LNX1: variants seen among roughly 807,000 people sequenced by gnomAD.
The protein encoded by LNX1 is E3 ubiquitin-protein ligase LNX.
In LNX1, 54 loss-of-function variants were observed where a neutral mutation model predicts 68.4. The ratio of observed to expected loss-of-function variants is 0.79; its 90% CI spans 0.63 to 0.99. The LOEUF is 0.99. LNX1 is among the 50% of genes least tolerant of loss of function. LNX1 has a pLI of 0.00. For synonymous variants in LNX1, 336 were observed against 350.0 expected, an observed-to-expected ratio of 0.96 and a Z score of 0.45; for missense variants, 906 against 926.4, an observed-to-expected ratio of 0.98 and a Z score of 0.29.
At chr4:53,461,701 G>T (rs1320702787) in intron 9 of LNX1, 108 bp from the exon 10 acceptor site, 2 of 804,834 alleles carry the variant, frequency 2.5e-6, no homozygotes, top group Non-Finnish European at 2.0e-6. Context: ...TAATGGCTAA[G>T]TACCACTGCA....
chr4:53,496,582 G>GGC, intron 5 of LNX1, 188 bp from the exon 6 acceptor site: 1 of 638,400 alleles, frequency 1.6e-6, no homozygotes, highest in Non-Finnish European at 2.6e-6. Context: ...GTGGCCTGCA[G>GGC]CACCTCTCCA....
chr4:53,634,432 C>T (rs1349458613), intron 1 of LNX1, among the ~76,000 whole-genome samples: 29 of 151,956 alleles, frequency 1.9e-4, no homozygotes, highest in Non-Finnish European at 2.9e-4. Flanking sequence ...TTAGTAGAGA[C>T]GGGGTTTCAC....
intron 9 of LNX1, 112 bp from the exon 10 acceptor site, chr4:53,461,705 C>T (rs990465150): frequency 4.0e-6 from 3 of 756,756 alleles, no homozygotes; most frequent in Admixed American, 2.7e-5. Context: ...GGCTAAGTAC[C>T]ACTGCATAGG....
At chr4:53,464,068 G>A (rs1579344130) in intron 9 of LNX1, among the ~76,000 whole-genome samples, 1 of 152,102 alleles carries the variant, frequency 6.6e-6, no homozygotes, top group African/African-American at 2.4e-5. Context: ...AATAGCAGAG[G>A]TTGGAAAGAC....
intron 4 of LNX1, 148 bp from the exon 5 acceptor site, chr4:53,498,991 AGTTTCTCT>A: frequency 3.0e-6 from 2 of 665,994 alleles, no homozygotes; most frequent in Non-Finnish European, 2.6e-6. Context: ...TGTCAATGTA[AGTTTCTCT>A]GCTTGGAATG....
At chr4:53,498,199 T>C (rs771639221) in intron 5 of LNX1, among the ~76,000 whole-genome samples, 7 of 152,156 alleles carry the variant, frequency 4.6e-5, no homozygotes, top group Non-Finnish European at 8.8e-5. Flanking sequence ...AAGTAGATGA[T>C]TGTGATTAAA....
Position 53,460,869 on chromosome 4 carries a change from TTG to T in LNX1, c.*36_*37del. 1 of 1,565,794 alleles carries T rather than the reference TTG, an allele frequency of 6.4e-7. No individual in the cohort carries two copies. The highest frequency in any genetic ancestry group is 1.2e-5 in the South Asian group (1 of 84,698). ...ATAGTGTTTCAACTTCTTAGCCTAT[TTG>T]TGATTTTTCTGTTTTCCTCTGACCC... On this transcript the variant is annotated 3_prime_UTR_variant, in exon 11 of 11. Coordinates refer to ENST00000263925, the MANE Select transcript of LNX1 (RefSeq NM_001126328.3).
At chr4:53,628,924 A>G (rs1030841791) in intron 1 of LNX1, among the ~76,000 whole-genome samples, 6 of 152,188 alleles carry the variant, frequency 3.9e-5, no homozygotes, top group African/African-American at 9.7e-5. Flanking sequence ...GAGCTAAGCT[A>G]TGGATACACA....
At position 53,508,172 on chromosome 4, in the gene LNX1, C is replaced by G. The variant is rs202162185; in HGVS notation, c.436G>C (p.Asp146His). Residue 146 changes from aspartate to histidine, a missense_variant, in exon 3 of 11, where the codon GAT becomes CAT. Asp to His is a moderately conservative substitution (Grantham distance 81). Coordinates refer to ENST00000263925, the MANE Select transcript of LNX1 (RefSeq NM_001126328.3). ...LTKDRKRRSQDGCPDGCASLT... is the reference protein window; with the variant it reads ...LTKDRKRRSQHGCPDGCASLT... ...CTCGCACAGCCGTCTGGACAGCCAT[C>G]TTGTGAGCGCCTCTTCCTATCTTTG... 1 of 1,614,202 alleles carries G rather than the reference C, an allele frequency of 6.2e-7. No individual in the cohort carries two copies. Among genetic ancestry groups the G allele is most frequent in the Admixed American group, 1.7e-5 (1 of 60,032 alleles).
chr4:53,463,795 CTT>C (rs1722400992), intron 9 of LNX1, among the ~76,000 whole-genome samples: 1 of 152,002 alleles, frequency 6.6e-6, no homozygotes, highest in African/African-American at 2.4e-5. Context: ...ATGCTGAAGT[CTT>C]GAGCTGCTCA....
At chr4:53,633,130 A>G (rs932543720) in intron 1 of LNX1, among the ~76,000 whole-genome samples, 1 of 152,180 alleles carries the variant, frequency 6.6e-6, no homozygotes, top group Admixed American at 6.5e-5. Context: ...ATGATCCTCT[A>G]TTGCCCTCTC....
At chr4:53,590,750 G>A (rs1325312891) in intron 1 of LNX1, among the ~76,000 whole-genome samples, 1 of 152,178 alleles carries the variant, frequency 6.6e-6, no homozygotes, top group East Asian at 1.9e-4. Context: ...GCCAGTCCAG[G>A]TCTAAATGTA....
At chr4:53,519,905 G>A (rs533749358) in intron 2 of LNX1, among the ~76,000 whole-genome samples, 3 of 152,232 alleles carry the variant, frequency 2.0e-5, no homozygotes, top group Admixed American at 6.5e-5. Flanking sequence ...TTCTTGAGAC[G>A]TGGGATTTTT....
intron 9 of LNX1, among the ~76,000 whole-genome samples, chr4:53,476,539 A>G (rs577924721): frequency 6.6e-6 from 1 of 152,292 alleles, no homozygotes; most frequent in Non-Finnish European, 1.5e-5. Context: ...GCCAAACAGT[A>G]TTTCCACATC....
upstream of LNX1, among the ~76,000 whole-genome samples, chr4:53,620,290 T>C (rs1374394859): frequency 6.6e-6 from 1 of 152,198 alleles, no homozygotes; most frequent in Non-Finnish European, 1.5e-5. Context: ...TTGCATTATA[T>C]AATTTTGCAT....
At chr4:53,608,393 C>T (rs1375619133) in intron 2 of LNX1, among the ~76,000 whole-genome samples, 3 of 152,104 alleles carry the variant, frequency 2.0e-5, no homozygotes, top group Non-Finnish European at 4.4e-5. Flanking sequence ...CAGAGAAATG[C>T]AAATCAAAGC....
At chr4:53,625,816 G>T (rs1241429895) in intron 1 of LNX1, among the ~76,000 whole-genome samples, 1 of 149,580 alleles carries the variant, frequency 6.7e-6, no homozygotes, top group Non-Finnish European at 1.5e-5. Flanking sequence ...CAAAATGTTA[G>T]TTACCATATG....
chr4:53,617,931 CT>C (rs1208689492), upstream of LNX1, among the ~76,000 whole-genome samples: 5 of 152,168 alleles, frequency 3.3e-5, no homozygotes, highest in East Asian at 3.9e-4. Flanking sequence ...TCTTTTTTCC[CT>C]GGAAAGATAG....
At chr4:53,615,341 T>A (rs1577797475) in intron 2 of LNX1, among the ~76,000 whole-genome samples, 1 of 152,192 alleles carries the variant, frequency 6.6e-6, no homozygotes, top group African/African-American at 2.4e-5. Context: ...CTCCCGTGAA[T>A]CTACCTGGGC....
Sources: allele counts gnomAD v4.1 joint callset (sites outside exome capture counted in the v4.1 genomes callset), GRCh38; gene constraint gnomAD v4.1.1; transcripts MANE v1.5; gene names NCBI Gene and HGNC (gene_info 2026-07-23, HGNC 2026-07-21).